The following BTC variants were observed in gnomAD, a reference collection of about 807,000 sequenced individuals.
The protein encoded by BTC is betacellulin.
A neutral mutation model predicts 18.1 loss-of-function variants in BTC; 13 were observed. The observed-to-expected ratio is 0.72, with a 90% CI of 0.47 to 1.14. The LOEUF (loss-of-function observed/expected upper bound fraction) is 1.14, where lower values mean the gene tolerates loss of function less well. Ranked by LOEUF, BTC falls within the 50% of genes most tolerant of loss-of-function variation. The pLI is 0.00. For missense variants in BTC, 247 were observed against 224.2 expected (o/e 1.10, Z -0.65); for synonymous variants, 83 against 79.4 (o/e 1.05, Z -0.24).
chr4:74,784,438 C>G (rs1267247703), intron 1 of BTC, among the ~76,000 whole-genome samples: 1 of 151,998 alleles, frequency 6.6e-6, no homozygotes. Flanking sequence ...TTTCTCTTTC[C>G]TGGCCAGAAC....
intron 1 of BTC, among the ~76,000 whole-genome samples, chr4:74,773,593 C>T (rs1440307776): frequency 6.6e-6 from 1 of 151,026 alleles, no homozygotes; most frequent in Non-Finnish European, 1.5e-5. Context: ...AAGGAGATCA[C>T]ATTCTGGTAA....
chr4:74,769,196 T>A (rs534753503), intron 2 of BTC, among the ~76,000 whole-genome samples: 1 of 152,318 alleles, frequency 6.6e-6, no homozygotes, highest in South Asian at 2.1e-4. Flanking sequence ...TCTTCTCTAC[T>A]GCACCCCACT....
rs1332602916 is a variant in BTC, at chr4:74,744,921, C to T, written c.*1756G>A. The T allele has an allele frequency of 5.3e-5, 8 of 152,158 alleles. 1 individual carries two copies. The South Asian group carries it at 1.2e-3, about 24-fold the overall frequency. The allele number at this position is 152,158 out of a possible 1,614,324, so 9.4% of individuals were successfully genotyped here. A position where few individuals can be genotyped will look rare whatever the true frequency, so the allele number is the denominator to read the frequency against. On this transcript the variant is annotated 3_prime_UTR_variant, in exon 6 of 6. Coordinates refer to ENST00000395743, the MANE Select transcript of BTC (RefSeq NM_001729.4). ...CAGATCTACCAAATTTCGAGAGCCACCATTGATATTTTAGGATCAAAACAA... is the reference window on the plus strand; with the variant it reads ...CAGATCTACCAAATTTCGAGAGCCATCATTGATATTTTAGGATCAAAACAA...
chr4:74,789,769 A>C (rs1163237374), intron 1 of BTC, among the ~76,000 whole-genome samples: 2 of 152,348 alleles, frequency 1.3e-5, no homozygotes, highest in African/African-American at 4.8e-5. Context: ...TTTTTAATTA[A>C]GGCAATTATT....
chr4:74,749,679 G>T (rs78574413), intron 4 of BTC, among the ~76,000 whole-genome samples: 13,963 of 76,950 alleles, frequency 0.18, 1,069 homozygotes, highest in Middle Eastern at 0.28. Context: ...TAATAAGATA[G>T]TTTTTTTTGT....
At chr4:74,765,214 C>G (rs1358728101) in intron 2 of BTC, among the ~76,000 whole-genome samples, 1 of 149,246 alleles carries the variant, frequency 6.7e-6, no homozygotes, top group Non-Finnish European at 1.5e-5. Context: ...TTAAAATTAT[C>G]ATAAAGATGC....
chr4:74,776,711 A>G (rs1725184135), intron 1 of BTC, among the ~76,000 whole-genome samples: 1 of 152,174 alleles, frequency 6.6e-6, no homozygotes, highest in South Asian at 2.1e-4. Flanking sequence ...CAACTATTTA[A>G]AAAGATCATA....
intron 4 of BTC, among the ~76,000 whole-genome samples, chr4:74,749,439 C>T (rs937680920): frequency 5.9e-5 from 9 of 151,488 alleles, no homozygotes; most frequent in Non-Finnish European, 1.2e-4. Context: ...GCCAAGATCA[C>T]GCCATTGCAC....
At chr4:74,786,858 G>A (rs1351023190) in intron 1 of BTC, among the ~76,000 whole-genome samples, 3 of 152,126 alleles carry the variant, frequency 2.0e-5, no homozygotes, top group African/African-American at 4.8e-5. Context: ...TTTTGTGAAA[G>A]AATCTCTAGC....
intron 3 of BTC, among the ~76,000 whole-genome samples, chr4:74,753,075 G>T (rs1262054138): frequency 6.6e-6 from 1 of 152,166 alleles, no homozygotes; most frequent in Non-Finnish European, 1.5e-5. Flanking sequence ...TTCAGTGAGT[G>T]TATCTCTCAT....
At position 74,750,674 on chromosome 4, in the gene BTC, C is replaced by T. The variant is rs1375465080; in HGVS notation, c.327G>A (p.Leu109=). Residue 109 remains leucine (L), a synonymous_variant, in exon 4 of 6, where the codon TTG becomes TTA. Coordinates refer to ENST00000395743, the MANE Select transcript of BTC (RefSeq NM_001729.4). ...GTCCTCTGTCTCCTCTTAGGTAAAA[C>T]AAGTCAACTCTCTCACACCTTGCTC... is the stretch of plus-strand genomic sequence containing the variant. The part of the protein sequence containing the change: ...YIGARCERVD[L]FYLRGDRGQI... 55 of 1,613,830 alleles carry T rather than the reference C, an allele frequency of 3.4e-5. No individual in the cohort carries two copies. The highest frequency in any genetic ancestry group is 4.5e-5 in the Non-Finnish European group (53 of 1,179,958).
intron 1 of BTC, among the ~76,000 whole-genome samples, chr4:74,792,821 C>T (rs529008416): frequency 2.6e-5 from 4 of 152,212 alleles, no homozygotes; most frequent in Admixed American, 6.5e-5. Context: ...CTATTCCAGC[C>T]CCCGCTGTTG....
At chr4:74,757,548 G>A (rs1724632546) in intron 2 of BTC, among the ~76,000 whole-genome samples, 1 of 152,336 alleles carries the variant, frequency 6.6e-6, no homozygotes, top group Non-Finnish European at 1.5e-5. Flanking sequence ...ATCAATTGAT[G>A]TCAACTTCCA....
rs191305508 is a variant in BTC at position 74,748,471 on chromosome 4, G to A, written c.429-322C>T. ...GAATGGCGTGAACCCGGGAGGCGGA[G>A]CTTGCAGTGAGCCGAGATTGCGCCA... On this transcript the variant is annotated intron_variant, in intron 4 of 5. Transcript: ENST00000395743. 5.1e-4 allele frequency among the ~76,000 whole-genome samples: 78 copies of A among 152,126 alleles called. 1 individual carries two copies. The East Asian group carries it at 6.0e-3, about 12-fold the overall frequency.
chr4:74,757,864 G>A (rs1357509000), intron 2 of BTC, among the ~76,000 whole-genome samples: 3 of 152,180 alleles, frequency 2.0e-5, no homozygotes, highest in Admixed American at 1.3e-4. Flanking sequence ...TCATCTGTAA[G>A]ATAGACATGA....
intron 1 of BTC, 95 bp downstream of exon 1, chr4:74,794,167 T>C (rs1264276020): frequency 6.0e-6 from 9 of 1,489,558 alleles, no homozygotes; most frequent in Non-Finnish European, 8.2e-6. Context: ...GCGCGCCCTC[T>C]TGTCCAGATG....
chr4:74,783,998 C>T (rs10000837), intron 1 of BTC, among the ~76,000 whole-genome samples: 26,938 of 151,604 alleles, frequency 0.18, 3,950 homozygotes, highest in African/African-American at 0.41. Context: ...TTTGGGAGGC[C>T]GAGGCAGATG....
At chr4:74,777,570 G>A (rs1202873757) in intron 1 of BTC, among the ~76,000 whole-genome samples, 1 of 152,060 alleles carries the variant, frequency 6.6e-6, no homozygotes, top group South Asian at 2.1e-4. Context: ...TACTTAATGA[G>A]ACAAAACTAT....
chr4:74,753,865 T>C (rs927375643), intron 3 of BTC, among the ~76,000 whole-genome samples: 1 of 152,230 alleles, frequency 6.6e-6, no homozygotes, highest in Non-Finnish European at 1.5e-5. Context: ...GGGAACTTTT[T>C]ATTTATGGCA....
Sources: gnomAD v4.1 joint callset for allele counts (sites outside exome capture counted in the v4.1 genomes callset) on GRCh38, gnomAD v4.1.1 for gene constraint, MANE v1.5 for transcripts, NCBI Gene and HGNC (gene_info 2026-07-23, HGNC 2026-07-21) for gene names.